STIM2: variants seen among roughly 807,000 people sequenced by gnomAD.
STIM2 encodes the protein stromal interaction molecule 2.
STIM2 carries 31 observed loss-of-function variants against 85.8 expected under a neutral mutation model. The ratio of observed to expected loss-of-function variants is 0.36; its 90% CI spans 0.27 to 0.49. The LOEUF (loss-of-function observed/expected upper bound fraction) is 0.49, where lower values mean the gene tolerates loss of function less well. Ranked by LOEUF, STIM2 falls within the 20% of genes least tolerant of loss-of-function variation. The pLI is 0.98. For synonymous variants in STIM2, 356 were observed against 331.1 expected (o/e 1.08, Z -0.82); for missense variants, 841 against 927.6 (o/e 0.91, Z 1.21).
Position 27,024,464 on chromosome 4 carries a change from A to T in STIM2, c.*1468A>T, listed in dbSNP as rs1729018701. The T allele has an allele frequency of 6.6e-6, 1 of 152,238 alleles. No individual in the cohort carries two copies. Among genetic ancestry groups the T allele is most frequent in the Admixed American group, 6.5e-5 (1 of 15,290 alleles). 9.4% of individuals were successfully genotyped at this position (152,238 alleles called of 1,614,324 possible). A position where few individuals can be genotyped will look rare whatever the true frequency, so the allele number is the denominator to read the frequency against. On this transcript the variant is annotated 3_prime_UTR_variant, in exon 12 of 12. Coordinates refer to ENST00000467087, the MANE Select transcript of STIM2 (RefSeq NM_020860.4). ...TAAAATATATGTCTAACCCAGTGCTATTTAGGTGAAAATGCTAATTGATAA... is the reference window on the plus strand; with the variant it reads ...TAAAATATATGTCTAACCCAGTGCTTTTTAGGTGAAAATGCTAATTGATAA...
intron 2 of STIM2, among the ~76,000 whole-genome samples, chr4:26,928,652 G>T (rs1197143409): frequency 6.6e-6 from 1 of 152,086 alleles, no homozygotes; most frequent in African/African-American, 2.4e-5. Flanking sequence ...TGGATGACAG[G>T]CATGCACCAG....
intron 1 of STIM2, among the ~76,000 whole-genome samples, chr4:26,879,894 G>A (rs1722940479): frequency 6.6e-6 from 1 of 152,088 alleles, no homozygotes; most frequent in Admixed American, 6.6e-5. Context: ...TATGTCTTGA[G>A]TTTCTCTGCT....
Position 26,995,498 on chromosome 4 carries a change from T to C in STIM2, c.509+8T>C. On this transcript the variant is annotated splice_region_variant and intron_variant, in intron 4 of 11. Coordinates refer to ENST00000467087, the MANE Select transcript of STIM2 (RefSeq NM_020860.4). ...AGGAACGACACTTCCCAGGTGAGTC[T>C]TTGTTATGCAAATGTATTTTCCACT... is the stretch of plus-strand genomic sequence containing the variant. 6.5e-7 allele frequency: 1 copy of C among 1,549,516 alleles called. No homozygotes were observed. Among genetic ancestry groups the C allele is most frequent in the Non-Finnish European group, 8.8e-7 (1 of 1,136,636 alleles).
At position 27,024,654 on chromosome 4, in the gene STIM2, C is replaced by T. The variant is rs1729025916; in HGVS notation, c.*1658C>T. The T allele has an allele frequency of 1.3e-5, 2 of 152,094 alleles. No individual in the cohort carries two copies. The highest frequency in any genetic ancestry group is 4.8e-5 in the African/African-American group (2 of 41,398). 9.4% of individuals were successfully genotyped at this position (152,094 alleles called of 1,614,324 possible). A position where few individuals can be genotyped will look rare whatever the true frequency, so the allele number is the denominator to read the frequency against. ...ATTTATATACTTAATAGATTGAGTT[C>T]TGTAAGGGCAAAAACGGATTGAAAT... On this transcript the variant is annotated 3_prime_UTR_variant, in exon 12 of 12. Coordinates refer to ENST00000467087, the MANE Select transcript of STIM2 (RefSeq NM_020860.4).
At chr4:27,007,854 A>G in intron 8 of STIM2, 154 bp downstream of exon 8, 1 of 814,752 alleles carries the variant, frequency 1.2e-6, no homozygotes, top group Non-Finnish European at 1.9e-6. Flanking sequence ...GACTCTAGTA[A>G]TCATAAGCTT....
intron 1 of STIM2, among the ~76,000 whole-genome samples, chr4:26,888,252 T>A (rs1723333255): frequency 6.6e-6 from 1 of 152,186 alleles, no homozygotes; most frequent in Non-Finnish European, 1.5e-5. Flanking sequence ...AATCTCCAAA[T>A]GAACGCAATA....
At chr4:26,973,242 G>T (rs1727039275) in intron 3 of STIM2, among the ~76,000 whole-genome samples, 1 of 151,946 alleles carries the variant, frequency 6.6e-6, no homozygotes, top group African/African-American at 2.4e-5. Context: ...ATCTTTTTCA[G>T]TTCTGCTCTG....
rs541934896 is a variant in STIM2, at chr4:26,996,892, ACAGT to A, written c.509+1407_509+1410del. ...ATAAAATAGGCTAATCTGAGTTTTG[ACAGT>A]CAGTGTTATAGCTACTCATTTCCTT... is the stretch of plus-strand genomic sequence containing the variant. On this transcript the variant is annotated intron_variant, in intron 4 of 11. Transcript: ENST00000467087. 5.2e-3 allele frequency among the ~76,000 whole-genome samples: 792 copies of A among 152,280 alleles called. 8 individuals carry two copies. The highest frequency in any genetic ancestry group is 0.018 in the African/African-American group (764 of 41,570).
At chr4:26,913,189 G>C (rs1212333441) in intron 1 of STIM2, among the ~76,000 whole-genome samples, 1 of 152,056 alleles carries the variant, frequency 6.6e-6, no homozygotes, top group African/African-American at 2.4e-5. Context: ...AAATGCAATT[G>C]CTTACATGTA....
In STIM2 at chr4:26,860,927, T is replaced by C. The variant is rs1412860576; in HGVS notation, c.-292T>C. 3 of 417,320 alleles carry C rather than the reference T, an allele frequency of 7.2e-6. No individual in the cohort carries two copies. The highest frequency in any genetic ancestry group is 3.1e-6 in the Non-Finnish European group (1 of 320,426). 25.9% of individuals were successfully genotyped at this position (417,320 alleles called of 1,614,324 possible). On this transcript the variant is annotated 5_prime_UTR_variant, in exon 1 of 12. Transcript: ENST00000467087. ...GCCGTACCTTTCTACCCCCCACCTT[T>C]TTTTTTTTTTTTTTTAAATAACCGG... is the stretch of plus-strand genomic sequence containing the variant.
chr4:26,863,351 T>C (rs922993785), intron 1 of STIM2, among the ~76,000 whole-genome samples: 1 of 152,174 alleles, frequency 6.6e-6, no homozygotes, highest in Non-Finnish European at 1.5e-5. Context: ...ACGTTTCCAC[T>C]TAAAGTTTAA....
chr4:26,866,269 G>T (rs1722407772), intron 1 of STIM2, among the ~76,000 whole-genome samples: 1 of 152,128 alleles, frequency 6.6e-6, no homozygotes, highest in Admixed American at 6.5e-5. Flanking sequence ...ATGATCTTAA[G>T]TAACTTGCCC....
chr4:27,006,988 A>G (rs561748936), intron 7 of STIM2, among the ~76,000 whole-genome samples: 9 of 152,236 alleles, frequency 5.9e-5, no homozygotes. Context: ...ATGAAAAACT[A>G]CAGAAAAATA....
chr4:26,981,934 A>G (rs552875896), intron 3 of STIM2, among the ~76,000 whole-genome samples: 9 of 150,824 alleles, frequency 6.0e-5, no homozygotes, highest in Admixed American at 4.0e-4. Flanking sequence ...CATAACTATA[A>G]AGGTATTTAC....
chr4:26,904,673 G>T (rs1238830753), intron 1 of STIM2, among the ~76,000 whole-genome samples: 1 of 152,102 alleles, frequency 6.6e-6, no homozygotes, highest in South Asian at 2.1e-4. Flanking sequence ...AAAAATTAGA[G>T]ACAGCCAGCG....
intron 1 of STIM2, among the ~76,000 whole-genome samples, chr4:26,896,751 C>T (rs1330546722): frequency 6.6e-6 from 1 of 152,128 alleles, no homozygotes; most frequent in African/African-American, 2.4e-5. Context: ...CCAGTTTTTG[C>T]AGGCATTGGT....
At chr4:26,886,665 A>G (rs936721693) in intron 1 of STIM2, among the ~76,000 whole-genome samples, 2 of 152,160 alleles carry the variant, frequency 1.3e-5, no homozygotes, top group Non-Finnish European at 2.9e-5. Context: ...GGAGAGAGTA[A>G]TAGATAGATC....
At chr4:26,928,847 G>A (rs1419470971) in intron 2 of STIM2, among the ~76,000 whole-genome samples, 3 of 152,172 alleles carry the variant, frequency 2.0e-5, no homozygotes, top group Non-Finnish European at 2.9e-5. Flanking sequence ...TTAAAAAGTA[G>A]AGCTTAGAAT....
chr4:26,945,008 C>A (rs1725760550), intron 2 of STIM2, among the ~76,000 whole-genome samples: 1 of 152,080 alleles, frequency 6.6e-6, no homozygotes, highest in Non-Finnish European at 1.5e-5. Flanking sequence ...AAATGTGTGT[C>A]ATGGGGGTTT....
Sources: allele counts gnomAD v4.1 joint callset (sites outside exome capture counted in the v4.1 genomes callset), GRCh38; gene constraint gnomAD v4.1.1; transcripts MANE v1.5; gene names NCBI Gene and HGNC (gene_info 2026-07-23, HGNC 2026-07-21).